TRUB2: variants seen among roughly 807,000 people sequenced by gnomAD.
TRUB2 encodes TruB pseudouridine synthase family member 2.
TRUB2 carries 31 observed loss-of-function variants against 31.9 expected under a neutral mutation model. The observed-to-expected ratio is 0.97, with a 90% CI of 0.73 to 1.31. The LOEUF (loss-of-function observed/expected upper bound fraction) is 1.31. Ranked by LOEUF, TRUB2 falls within the 50% of genes most tolerant of loss-of-function variation. The pLI, the probability that TRUB2 is intolerant of heterozygous loss-of-function variation, is 0.00. For synonymous variants in TRUB2, 201 were observed against 182.6 expected (o/e 1.10, Z -0.81); for missense variants, 451 against 439.6 (o/e 1.03, Z -0.23).
chr9:128,320,025 C>T (rs563643971), intron 2 of TRUB2, among the ~76,000 whole-genome samples: 5 of 151,918 alleles, frequency 3.3e-5, no homozygotes, highest in Admixed American at 2.6e-4. Context: ...ACGCCATTCT[C>T]CTGCCTCAGC....
intron 2 of TRUB2, among the ~76,000 whole-genome samples, chr9:128,320,020 A>G (rs1832136182): frequency 6.6e-6 from 1 of 150,848 alleles, no homozygotes; most frequent in Admixed American, 6.6e-5. Context: ...GGTTCACGCC[A>G]TTCTCCTGCC....
chr9:128,313,535 C>CAA (rs563876862), intron 5 of TRUB2, among the ~76,000 whole-genome samples: 13 of 79,122 alleles, frequency 1.6e-4, no homozygotes, highest in Non-Finnish European at 2.8e-4. Context: ...GACTCCGTCT[C>CAA]AAAAAAAAAA....
rs1485134755 is a variant in TRUB2, at chr9:128,313,866, C to T, written c.402G>A (p.Leu134=). ...CACGGAAGTCATCTGTAGCTTTGCCCAGGAGGCCACGCACTGTGTAATCCT... is the reference window on the plus strand; with the variant it reads ...CACGGAAGTCATCTGTAGCTTTGCCTAGGAGGCCACGCACTGTGTAATCCT... ...LTKDYTVRGL[L]GKATDDFRED... The change falls in exon 5 of 8, where the codon CTG becomes CTA. Residue 134 remains leucine (L), a synonymous_variant. Transcript: ENST00000372890. 6.2e-7 allele frequency: 1 copy of T among 1,614,084 alleles called. No individual in the cohort carries two copies. Among genetic ancestry groups the T allele is most frequent in the African/African-American group, 1.3e-5 (1 of 74,940 alleles).
chr9:128,317,325 A>C, intron 2 of TRUB2, 99 bp from the exon 3 acceptor site: 1 of 1,046,756 alleles, frequency 9.6e-7, no homozygotes, highest in Non-Finnish European at 1.4e-6. Context: ...GGCCTCATGG[A>C]GCCCAAACTA....
At position 128,309,566 on chromosome 9, in the gene TRUB2, C is replaced by T; in HGVS notation, c.980G>A (p.Arg327Lys). The T allele has an allele frequency of 1.2e-6, 2 of 1,610,950 alleles. No homozygotes were observed. Among genetic ancestry groups the T allele is most frequent in the Middle Eastern group, 1.7e-4 (1 of 5,820 alleles). Residue 327 changes from arginine (R) to lysine (K), a missense_variant, in exon 8 of 8, where the codon AGG becomes AAG. By Grantham distance (26) the Arg-to-Lys change is conservative. Coordinates refer to ENST00000372890, the MANE Select transcript of TRUB2 (RefSeq NM_015679.3). Reference protein sequence around the residue: ...QGPSSTLGLERGAGQ With the variant: ...QGPSSTLGLEKGAGQ ...CCTGGGCATTCACTGCCCCGCACCC[C>T]TCTCCAGCCCCAAGGTAGAGCTCGG...
chr9:128,311,720 T>A (rs1831972712), intron 5 of TRUB2, 119 bp from the exon 6 acceptor site: 1 of 1,071,754 alleles, frequency 9.3e-7, no homozygotes, highest in Non-Finnish European at 1.4e-6. Context: ...TTTGGAGGGA[T>A]CCCCATGGCG....
At position 128,309,041 on chromosome 9, in the gene TRUB2, G is replaced by T; in HGVS notation, c.*509C>A. 1 of 153,588 alleles carries T rather than the reference G, an allele frequency of 6.5e-6. No individual in the cohort carries two copies. The allele number at this position is 153,588 out of a possible 1,614,324, so 9.5% of individuals were successfully genotyped here. The stretch of plus-strand genomic sequence containing the variant: ...CTAATTTTGTCGTTGTCTTCTTATT[G>T]CTTTCTAAGGGCTCTCTGTATACTA... On this transcript the variant is annotated 3_prime_UTR_variant, in exon 8 of 8. Transcript: ENST00000372890.
chr9:128,318,565 CTT>C (rs1832107491), intron 2 of TRUB2, among the ~76,000 whole-genome samples: 1 of 151,760 alleles, frequency 6.6e-6, no homozygotes, highest in African/African-American at 2.4e-5. Flanking sequence ...TGGAGTCTCA[CTT>C]TGTCACCCAG....
rs557624792 is a variant in TRUB2 at position 128,315,663 on chromosome 9, C to T, written c.317-35G>A. On this transcript the variant is annotated intron_variant, in intron 3 of 7. Transcript: ENST00000372890. ...AGCCAGCGTCATCTCACACCTGGGA[C>T]CCCCTTCCCATTCCCCTAAGTATCC... The T allele has an allele frequency of 2.6e-5, 41 of 1,605,042 alleles. No individual in the cohort carries two copies. In the South Asian group the frequency reaches 4.5e-4, roughly 17 times the overall value.
At chr9:128,317,371 A>C (rs1014205896) in intron 2 of TRUB2, 145 bp from the exon 3 acceptor site, 3 of 740,614 alleles carry the variant, frequency 4.1e-6, no homozygotes, top group African/African-American at 3.5e-5. Context: ...CCCGTCATGG[A>C]ATCTGGGACC....
Position 128,315,596 on chromosome 9 carries a change from T to C in TRUB2, c.349A>G (p.Thr117Ala). ...GTAAGATGAGCATTGTACATATCGG[T>C]GAGGAGCCTGCATCCATGTCCCACG... ...LGVGHGCRLLTDMYNAHLTKD... is the reference protein window; with the variant it reads ...LGVGHGCRLLADMYNAHLTKD... Residue 117 changes from threonine to alanine, a missense_variant, in exon 4 of 8, where the codon ACC (threonine) becomes GCC (alanine). Transcript: ENST00000372890. 6.2e-7 allele frequency: 1 copy of C among 1,613,668 alleles called. No individual in the cohort carries two copies. Among genetic ancestry groups the C allele is most frequent in the Non-Finnish European group, 8.5e-7 (1 of 1,179,838 alleles).
chr9:128,312,898 C>T (rs1831997862), intron 5 of TRUB2, among the ~76,000 whole-genome samples: 1 of 151,888 alleles, frequency 6.6e-6, no homozygotes, highest in African/African-American at 2.4e-5. Flanking sequence ...AGGCGTGAGC[C>T]ACTGCGCCCG....
At position 128,310,995 on chromosome 9, in the gene TRUB2, C is replaced by T; in HGVS notation, c.562G>A (p.Glu188Lys). 1.2e-6 allele frequency: 2 copies of T among 1,614,200 alleles called. No homozygotes were observed. Among genetic ancestry groups the T allele is most frequent in the Non-Finnish European group, 1.7e-6 (2 of 1,180,008 alleles). Residue 188 changes from glutamate to lysine, a missense_variant, in exon 7 of 8, where the codon GAG becomes AAG. Coordinates refer to ENST00000372890, the MANE Select transcript of TRUB2 (RefSeq NM_015679.3). ...CCTCTCACGGCCATCTCATAGGCCT[C>T]CTGGGTCTTCAGGTCGAGGTTGGAG... Reference protein sequence around the residue: ...MYSNLDLKTQEAYEMAVRGLI... With the variant: ...MYSNLDLKTQKAYEMAVRGLI...
At chr9:128,317,318 C>T in intron 2 of TRUB2, 92 bp from the exon 3 acceptor site, 1 of 1,161,670 alleles carries the variant, frequency 8.6e-7, no homozygotes, top group Non-Finnish European at 1.3e-6. Flanking sequence ...CAGAATGGGC[C>T]TCATGGAGCC....
rs1831884639 is a variant in TRUB2 at position 128,307,403 on chromosome 9, GCA to G, written c.*2145_*2146del. 6.6e-5 allele frequency: 10 copies of G among 151,908 alleles called. No homozygotes were observed. The highest frequency in any genetic ancestry group is 2.4e-4 in the African/African-American group (10 of 41,318). The allele number at this position is 151,908 out of a possible 1,614,324, so 9.4% of individuals were successfully genotyped here. ...TGCAGTGAGTCATGTTTGCACCATTGCACTCCAGCCTGGGTGACAGAGCAAGA... is the reference window on the plus strand; with the variant it reads ...TGCAGTGAGTCATGTTTGCACCATTGCTCCAGCCTGGGTGACAGAGCAAGA... On this transcript the variant is annotated 3_prime_UTR_variant, in exon 8 of 8. Transcript: ENST00000372890.
chr9:128,310,010 T>C, intron 7 of TRUB2, 135 bp from the exon 8 acceptor site: 1 of 969,970 alleles, frequency 1.0e-6, no homozygotes, highest in Non-Finnish European at 1.5e-6. Context: ...CAGGTTGTGC[T>C]ATTCAGAGGA....
chr9:128,311,300 T>C, intron 6 of TRUB2: 2 of 624,408 alleles, frequency 3.2e-6, no homozygotes, highest in Non-Finnish European at 5.6e-6. Flanking sequence ...TTAGATCATA[T>C]ACTCTCAGCA....
Position 128,317,180 on chromosome 9 carries a change from C to A in TRUB2, c.288G>T (p.Arg96=). The A allele has an allele frequency of 1.3e-6, 2 of 1,591,458 alleles. No homozygotes were observed. Among genetic ancestry groups the A allele is most frequent in the African/African-American group, 1.3e-5 (1 of 74,632 alleles). The change falls in exon 3 of 8, where the codon CGG becomes CGT. Residue 96 remains arginine, a synonymous_variant. Transcript: ENST00000372890. ...FAHLKVGVGH[R]LDAQASGVLV... ...GTACTCCAGAAGCCTGGGCATCCAACCGATGTCCCACGCCAACCTTGAGAT... is the reference window on the plus strand; with the variant it reads ...GTACTCCAGAAGCCTGGGCATCCAAACGATGTCCCACGCCAACCTTGAGAT...
intron 6 of TRUB2, 125 bp downstream of exon 6, chr9:128,311,404 G>A: frequency 1.0e-6 from 1 of 982,074 alleles, no homozygotes; most frequent in Admixed American, 2.0e-5. Context: ...AAAGAAACAG[G>A]TAGCTCCCGT....
Sources: allele counts gnomAD v4.1 joint callset (sites outside exome capture counted in the v4.1 genomes callset), GRCh38; gene constraint gnomAD v4.1.1; transcripts MANE v1.5; gene names NCBI Gene and HGNC (gene_info 2026-07-23, HGNC 2026-07-21).